The following THSD4 variants were observed in gnomAD, a reference collection of about 807,000 sequenced individuals.
THSD4 encodes thrombospondin type-1 domain-containing protein 4.
In THSD4, 69 loss-of-function variants were observed where a neutral mutation model predicts 119.0. The ratio of observed to expected loss-of-function variants is 0.58; its 90% CI spans 0.48 to 0.71. The LOEUF is 0.71. Ranked by LOEUF, THSD4 falls within the 30% of genes least tolerant of loss-of-function variation. The probability of loss-of-function intolerance (pLI) is 0.00; values close to 1 mark genes in which losing one functional copy is unlikely to be tolerated. For synonymous variants in THSD4, 524 were observed against 540.4 expected (o/e 0.97, Z 0.42); for missense variants, 1,393 against 1,391.1 (o/e 1.00, Z -0.02).
intron 15 of THSD4, among the ~76,000 whole-genome samples, chr15:71,761,455 A>T (rs1374187423): frequency 6.6e-6 from 1 of 152,160 alleles, no homozygotes; most frequent in Admixed American, 6.5e-5. Flanking sequence ...GAAAATATAG[A>T]TTTAAATTTT....
At chr15:71,479,502 T>G (rs897206938) in intron 7 of THSD4, among the ~76,000 whole-genome samples, 2 of 152,164 alleles carry the variant, frequency 1.3e-5, no homozygotes, top group Non-Finnish European at 2.9e-5. Context: ...GGAAAGAAGG[T>G]TAACTTTAGT....
chr15:71,544,474 T>G (rs2048806869), intron 7 of THSD4, among the ~76,000 whole-genome samples: 1 of 152,050 alleles, frequency 6.6e-6, no homozygotes, highest in Admixed American at 6.6e-5. Flanking sequence ...TCACACCCAT[T>G]AAGATGGTTA....
rs1555434901 is a variant in THSD4 at position 71,639,846 on chromosome 15, A to AAAAG, written c.1153-20681_1153-20680insGAAA. ...GATGTTTTTATTTAGCAAAAAAAAA[A>AAAAG]AAAAGAAAAGAAAAGAAAAGCCAAG... On this transcript the variant is annotated intron_variant, in intron 7 of 17. Coordinates refer to ENST00000261862, the MANE Select transcript of THSD4 (RefSeq NM_024817.3). Among the ~76,000 whole-genome samples, 17 of 150,194 alleles carry AAAAG rather than the reference A, an allele frequency of 1.1e-4. No individual in the cohort carries two copies. In the East Asian group the frequency reaches 2.6e-3, roughly 23 times the overall value.
chr15:71,563,931 G>A (rs1403747249), intron 7 of THSD4, among the ~76,000 whole-genome samples: 1 of 152,266 alleles, frequency 6.6e-6, no homozygotes, highest in East Asian at 1.9e-4. Context: ...TGTTTTGGGG[G>A]TGTGGGGGTG....
At chr15:71,117,652 C>T (rs1169752442) in intron 1 of THSD4, among the ~76,000 whole-genome samples, 1 of 152,220 alleles carries the variant, frequency 6.6e-6, no homozygotes, top group Non-Finnish European at 1.5e-5. Context: ...TCTTGACTCC[C>T]AGCCACGAGT....
At chr15:71,538,932 A>G (rs1319170799) in intron 7 of THSD4, among the ~76,000 whole-genome samples, 2 of 152,202 alleles carry the variant, frequency 1.3e-5, no homozygotes, top group Admixed American at 1.3e-4. Context: ...TAAATCCCTG[A>G]GCCCAGTTGA....
At chr15:71,423,519 A>G (rs1167140314) in intron 7 of THSD4, among the ~76,000 whole-genome samples, 1 of 152,178 alleles carries the variant, frequency 6.6e-6, no homozygotes, top group Admixed American at 6.5e-5. Flanking sequence ...TGGGGGCCTC[A>G]GGACTTACCT....
rs951644713 is a variant in THSD4 at position 71,257,978 on chromosome 15, G to A, written c.1015+1263G>A. 3.3e-5 allele frequency among the ~76,000 whole-genome samples: 5 copies of A among 152,064 alleles called. 1 individual carries two copies. The South Asian group carries it at 1.0e-3, about 32-fold the overall frequency. ...GGATGCCAAAGTGAAATTTTGATTT[G>A]ATTCTGTGGATAGAGCTTGGTTCTG... is the stretch of plus-strand genomic sequence containing the variant. On this transcript the variant is annotated intron_variant, in intron 6 of 17. Coordinates refer to ENST00000261862, the MANE Select transcript of THSD4 (RefSeq NM_024817.3).
At chr15:71,494,313 T>A (rs1176306187) in intron 7 of THSD4, among the ~76,000 whole-genome samples, 3 of 152,130 alleles carry the variant, frequency 2.0e-5, no homozygotes, top group African/African-American at 7.2e-5. Context: ...CTCATCTCTG[T>A]CCCCATCTTT....
At chr15:71,626,132 CT>C (rs2050505279) in intron 7 of THSD4, among the ~76,000 whole-genome samples, 1 of 151,984 alleles carries the variant, frequency 6.6e-6, no homozygotes, top group Non-Finnish European at 1.5e-5. Context: ...ATTTTGCATT[CT>C]TTTTGTGGTT....
chr15:71,523,881 GA>G (rs2140793048), intron 7 of THSD4, among the ~76,000 whole-genome samples: 1 of 149,240 alleles, frequency 6.7e-6, no homozygotes, highest in East Asian at 2.1e-4. Context: ...TGTGTGAGGG[GA>G]AAATGGTTCT....
chr15:71,135,519 G>T (rs940485370), intron 1 of THSD4, among the ~76,000 whole-genome samples: 102 of 152,014 alleles, frequency 6.7e-4, no homozygotes, highest in African/African-American at 2.4e-3. Context: ...GCCTGCCATT[G>T]TCAGCTAGCA....
rs114916586 is a variant in THSD4 at position 71,738,049 on chromosome 15, A to G, written c.1906+42A>G. ...GACGGGTGGATCCCTGCAGAACCCT[A>G]AGCAAGGAGTGTGTGGGTGGCCCAA... is the stretch of plus-strand genomic sequence containing the variant. On this transcript the variant is annotated intron_variant, in intron 11 of 17. Coordinates refer to ENST00000261862, the MANE Select transcript of THSD4 (RefSeq NM_024817.3). 6.5e-4 allele frequency: 1,048 copies of G among 1,606,220 alleles called. 11 individuals carry two copies. In the African/African-American group the frequency reaches 0.012, roughly 18 times the overall value.
chr15:71,408,697 C>A (rs1266752793), intron 6 of THSD4, among the ~76,000 whole-genome samples: 1 of 151,970 alleles, frequency 6.6e-6, no homozygotes, highest in Non-Finnish European at 1.5e-5. Context: ...ACAAAAAATA[C>A]AACAATTAGC....
chr15:71,767,646 C>T (rs574068477), intron 16 of THSD4: 2 of 152,224 alleles, frequency 1.3e-5, no homozygotes, highest in African/African-American at 4.8e-5. Flanking sequence ...AGCCTGTTGT[C>T]CTGAATTTGA....
intron 7 of THSD4, among the ~76,000 whole-genome samples, chr15:71,542,576 C>T (rs1019429928): frequency 6.7e-6 from 1 of 149,518 alleles, no homozygotes; most frequent in East Asian, 1.9e-4. Flanking sequence ...ATGAAAAAAA[C>T]GTTAGAAAAA....
intron 8 of THSD4, among the ~76,000 whole-genome samples, chr15:71,709,260 T>C (rs1193326101): frequency 6.6e-6 from 1 of 152,242 alleles, no homozygotes; most frequent in East Asian, 1.9e-4. Flanking sequence ...CTACAGGTTC[T>C]GCTGATTTGG....
intron 7 of THSD4, among the ~76,000 whole-genome samples, chr15:71,553,561 A>C (rs1449946036): frequency 2.0e-5 from 3 of 152,164 alleles, no homozygotes; most frequent in Non-Finnish European, 2.9e-5. Context: ...TCCTGACCTC[A>C]GGTGATCCAC....
intron 8 of THSD4, among the ~76,000 whole-genome samples, chr15:71,696,395 C>G (rs2052166643): frequency 6.6e-6 from 1 of 152,166 alleles, no homozygotes; most frequent in Admixed American, 6.5e-5. Flanking sequence ...CTCATCAGAA[C>G]AAGAATTCAC....
Sources: allele counts gnomAD v4.1 joint callset (sites outside exome capture counted in the v4.1 genomes callset), GRCh38; gene constraint gnomAD v4.1.1; transcripts MANE v1.5; gene names NCBI Gene and HGNC (gene_info 2026-07-23, HGNC 2026-07-21).